The following CSMD1 variants were observed in gnomAD, a reference collection of about 807,000 sequenced individuals.
The protein encoded by CSMD1 is CUB and Sushi multiple domains 1, also known as CUB and sushi domain-containing protein 1.
A neutral mutation model predicts 417.5 loss-of-function variants in CSMD1; 213 were observed. That is an observed-to-expected ratio of 0.51 (90% confidence interval 0.46 to 0.57). CSMD1 has a LOEUF of 0.57. Among genes scored for constraint, CSMD1 ranks in the 20% least tolerant of loss-of-function variants. The pLI is 0.00. For synonymous variants in CSMD1, 2,862 were observed against 1,736.8 expected (o/e 1.65, Z -16.11); for missense variants, 6,923 against 4,529.7 (o/e 1.53, Z -15.17).
chr8:3,562,456 A>AG (rs59808415), intron 10 of CSMD1, among the ~76,000 whole-genome samples: 121,870 of 151,574 alleles, frequency 0.8, 49,662 homozygotes, highest in Middle Eastern at 0.88. Flanking sequence ...ACATACTCAC[A>AG]GCATATATAT....
intron 8 of CSMD1, among the ~76,000 whole-genome samples, chr8:3,592,827 G>T (rs1466679695): frequency 6.6e-6 from 1 of 152,142 alleles, no homozygotes; most frequent in East Asian, 1.9e-4. Flanking sequence ...TGGGATCCAG[G>T]TGTACATCAT....
intron 10 of CSMD1, among the ~76,000 whole-genome samples, chr8:3,502,696 T>C (rs570044201): frequency 6.6e-6 from 1 of 152,222 alleles, no homozygotes; most frequent in African/African-American, 2.4e-5. Context: ...TAGTGATTGT[T>C]AGGGGTTAGA....
chr8:3,679,655 G>T (rs1799552705), intron 7 of CSMD1, among the ~76,000 whole-genome samples: 1 of 152,042 alleles, frequency 6.6e-6, no homozygotes, highest in Admixed American at 6.6e-5. Context: ...GGATATCCAG[G>T]AATTGAACTG....
At chr8:3,405,097 T>G (rs1158864252) in intron 15 of CSMD1, among the ~76,000 whole-genome samples, 1 of 152,174 alleles carries the variant, frequency 6.6e-6, no homozygotes, top group Non-Finnish European at 1.5e-5. Flanking sequence ...GATTAGGAAA[T>G]GCCAGTTTCT....
chr8:4,759,050 C>G (rs999327290), intron 1 of CSMD1, among the ~76,000 whole-genome samples: 2 of 152,130 alleles, frequency 1.3e-5, no homozygotes, highest in Non-Finnish European at 2.9e-5. Flanking sequence ...AGTTGATGTG[C>G]AGAAAAGTTA....
intron 3 of CSMD1, among the ~76,000 whole-genome samples, chr8:4,118,107 G>C (rs185159427): frequency 6.6e-6 from 1 of 152,088 alleles, no homozygotes; most frequent in Non-Finnish European, 1.5e-5. Flanking sequence ...TTGTGTGTTT[G>C]CAGGTGTACA....
At chr8:4,852,393 T>C (rs1411722932) in intron 1 of CSMD1, among the ~76,000 whole-genome samples, 2 of 152,096 alleles carry the variant, frequency 1.3e-5, no homozygotes, top group Non-Finnish European at 2.9e-5. Context: ...CTCCTCTCTC[T>C]CTCGTTCTCA....
intron 5 of CSMD1, among the ~76,000 whole-genome samples, chr8:3,973,929 G>C (rs1231689505): frequency 1.3e-5 from 2 of 152,172 alleles, no homozygotes; most frequent in Non-Finnish European, 2.9e-5. Flanking sequence ...AATGCCATGT[G>C]AAACATGCAC....
intron 3 of CSMD1, among the ~76,000 whole-genome samples, chr8:4,375,007 G>A (rs1202828283): frequency 1.3e-5 from 2 of 150,090 alleles, no homozygotes; most frequent in Non-Finnish European, 3.0e-5. Flanking sequence ...AGCAATAGTG[G>A]GGACAGGGCA....
chr8:4,955,974 T>A (rs1218208155), intron 1 of CSMD1, among the ~76,000 whole-genome samples: 1 of 152,252 alleles, frequency 6.6e-6, no homozygotes, highest in Admixed American at 6.5e-5. Flanking sequence ...TGCTGCGTTC[T>A]GTGATTTTCA....
chr8:4,540,730 C>G (rs1333378563), intron 2 of CSMD1, among the ~76,000 whole-genome samples: 1 of 152,150 alleles, frequency 6.6e-6, no homozygotes, highest in Non-Finnish European at 1.5e-5. Context: ...AGTGTCTAAG[C>G]TGTGCCAGGT....
chr8:4,360,665 T>G (rs1801704016), intron 3 of CSMD1, among the ~76,000 whole-genome samples: 1 of 152,090 alleles, frequency 6.6e-6, no homozygotes, highest in Non-Finnish European at 1.5e-5. Context: ...TAATTTTTTT[T>G]TTGTTTTTTA....
At chr8:3,939,616 A>G (rs1285434148) in intron 5 of CSMD1, among the ~76,000 whole-genome samples, 2 of 152,296 alleles carry the variant, frequency 1.3e-5, no homozygotes, top group African/African-American at 4.8e-5. Flanking sequence ...GGAAGCAATG[A>G]AAGTGATCAT....
At chr8:3,058,611 A>T (rs1455165684) in intron 49 of CSMD1, among the ~76,000 whole-genome samples, 1 of 152,184 alleles carries the variant, frequency 6.6e-6, no homozygotes, top group African/African-American at 2.4e-5. Context: ...TTGTGCCACA[A>T]CTTCTCAAAC....
At chr8:3,998,198 C>G in intron 4 of CSMD1, 88 bp from the exon 5 acceptor site, 1 of 1,202,608 alleles carries the variant, frequency 8.3e-7, no homozygotes, top group Non-Finnish European at 1.2e-6. Flanking sequence ...TCTTGATCAG[C>G]GACAAATATT....
chr8:4,494,239 A>C (rs1473884787), intron 2 of CSMD1, among the ~76,000 whole-genome samples: 1 of 152,218 alleles, frequency 6.6e-6, no homozygotes, highest in Non-Finnish European at 1.5e-5. Flanking sequence ...TTCCATGTAA[A>C]CTGAACAAAC....
At chr8:4,026,483 C>T (rs769177652) in intron 4 of CSMD1, among the ~76,000 whole-genome samples, 6 of 152,096 alleles carry the variant, frequency 3.9e-5, no homozygotes, top group Non-Finnish European at 8.8e-5. Context: ...TTTAAAGATC[C>T]TCCAATTAAG....
intron 1 of CSMD1, among the ~76,000 whole-genome samples, chr8:4,864,045 GACC>G (rs1802287998): frequency 6.6e-6 from 1 of 151,794 alleles, no homozygotes. Context: ...TTATTTCATG[GACC>G]ACTTTTTGCC....
intron 11 of CSMD1, among the ~76,000 whole-genome samples, chr8:3,474,451 A>G (rs1009066258): frequency 2.6e-5 from 4 of 152,132 alleles, no homozygotes; most frequent in Non-Finnish European, 4.4e-5. Flanking sequence ...CTGCACCCCT[A>G]TGAATGTCAC....
Sources: gnomAD v4.1 joint callset for allele counts (sites outside exome capture counted in the v4.1 genomes callset) on GRCh38, gnomAD v4.1.1 for gene constraint, MANE v1.5 for transcripts, NCBI Gene and HGNC (gene_info 2026-07-23, HGNC 2026-07-21) for gene names.